Variants in ZNF507 observed in about 807,000 individuals in gnomAD.
ZNF507 encodes zinc finger protein 507.
In ZNF507, 29 loss-of-function variants were observed where a neutral mutation model predicts 80.0. The ratio of observed to expected loss-of-function variants is 0.36; its 90% confidence interval spans 0.27 to 0.49. The LOEUF is 0.49. Among genes scored for constraint, ZNF507 ranks in the 20% least tolerant of loss-of-function variants. The pLI is 0.98. For synonymous variants in ZNF507, 462 were observed against 422.5 expected, an observed-to-expected ratio of 1.09 and a Z score of -1.15; for missense variants, 1,081 against 1,152.2, an observed-to-expected ratio of 0.94 and a Z score of 0.90.
In ZNF507 at chr19:32,349,869, T is replaced by C. The variant is rs185852359; in HGVS notation, c.-3+2531T>C. Among the ~76,000 whole-genome samples the C allele has an allele frequency of 3.9e-5, 6 of 152,340 alleles. No individual in the cohort carries two copies. In the East Asian group the frequency reaches 1.2e-3, roughly 29 times the overall value. On this transcript the variant is annotated intron_variant, in intron 2 of 6. Coordinates refer to ENST00000355898, the MANE Select transcript of ZNF507 (RefSeq NM_001136156.2). Reference sequence around the variant, plus strand: ...CATGCAACTTCAATTACAGAATTAGTCATTCTTTCTTTATTCTCATCCTAT... The same window carrying C: ...CATGCAACTTCAATTACAGAATTAGCCATTCTTTCTTTATTCTCATCCTAT...
intron 6 of ZNF507, 45 bp from the exon 7 acceptor site, chr19:32,382,672 C>T (rs1175781785): frequency 6.2e-7 from 1 of 1,610,450 alleles, no homozygotes; most frequent in Middle Eastern, 1.7e-4. Flanking sequence ...ACTAGTCCTA[C>T]ATTGTAGCCT....
chr19:32,351,418 G>GGTGTGTGTGTGT (rs1568301845), intron 2 of ZNF507, among the ~76,000 whole-genome samples: 2 of 48,856 alleles, frequency 4.1e-5, no homozygotes, highest in African/African-American at 1.5e-4. Flanking sequence ...AAGCTGGTCA[G>GGTGTGTGTGTGT]CTGTGTGTGT....
At chr19:32,351,886 TAGAA>T (rs1250373103) in intron 2 of ZNF507, among the ~76,000 whole-genome samples, 3 of 152,130 alleles carry the variant, frequency 2.0e-5, no homozygotes, top group East Asian at 1.9e-4. Flanking sequence ...TGCCAGGAAA[TAGAA>T]AGAGTATTCT....
In ZNF507 at chr19:32,354,924, G is replaced by A; in HGVS notation, c.2094G>A (p.Gln698=). ...ACCACTGTAAGACAAGAATATACCA[G>A]TGCAAGCAGTGTGAAGAATCCTTCC... is the stretch of plus-strand genomic sequence containing the variant. ...MIHHCKTRIY[Q]CKQCEESFHY... Residue 698 remains glutamine (Q), a synonymous_variant, in exon 3 of 7, where the codon CAG becomes CAA. Transcript: ENST00000355898. 1 of 1,611,818 alleles carries A rather than the reference G, an allele frequency of 6.2e-7. No homozygotes were observed. Among genetic ancestry groups the A allele is most frequent in the Non-Finnish European group, 8.5e-7 (1 of 1,178,806 alleles).
Position 32,370,890 on chromosome 19 carries a change from A to G in ZNF507, c.2360+10272A>G, listed in dbSNP as rs147111417. Among the ~76,000 whole-genome samples the G allele has an allele frequency of 1.8e-4, 27 of 152,108 alleles. No individual in the cohort carries two copies. The East Asian group carries it at 5.2e-3, about 29-fold the overall frequency. On this transcript the variant is annotated intron_variant, in intron 5 of 6. Coordinates refer to ENST00000355898, the MANE Select transcript of ZNF507 (RefSeq NM_001136156.2). ...CCATTCAGCTATTTTACCCATTTTG[A>G]GTTGATTGCTGTGGATGATGTAAGA...
chr19:32,374,873 G>C (rs957031985), intron 5 of ZNF507, among the ~76,000 whole-genome samples: 2 of 152,130 alleles, frequency 1.3e-5, no homozygotes, highest in Non-Finnish European at 2.9e-5. Context: ...TCCTTGTTCT[G>C]TTCTTGAACT....
chr19:32,352,694 G>A, intron 2 of ZNF507, 135 bp from the exon 3 acceptor site: 1 of 703,540 alleles, frequency 1.4e-6, no homozygotes, highest in Non-Finnish European at 2.2e-6. Context: ...CGCCGGGTGT[G>A]TGGACATGGA....
rs1568303335 is a variant in ZNF507 at position 32,354,296 on chromosome 19, C to T, written c.1466C>T (p.Ser489Phe). Residue 489 changes from serine to phenylalanine, a missense_variant, in exon 3 of 7, where the codon TCT becomes TTT. By Grantham distance (155) the Ser-to-Phe change is radical. Around this residue, in one of 6 missense-constraint regions of ZNF507, gnomAD observed 614 missense variants for 583.9 expected, o/e 1.05. Coordinates refer to ENST00000355898, the MANE Select transcript of ZNF507 (RefSeq NM_001136156.2). ...PPGRRRTNSE[S>F]LRLHSLAAEA... Reference sequence around the variant, plus strand: ...GGCCGGAGAAGGACAAATTCTGAGTCTCTTCGATTACACTCATTAGCTGCA... The same window carrying T: ...GGCCGGAGAAGGACAAATTCTGAGTTTCTTCGATTACACTCATTAGCTGCA... The T allele has an allele frequency of 6.2e-7, 1 of 1,614,148 alleles. No homozygotes were observed. The highest frequency in any genetic ancestry group is 2.2e-5 in the East Asian group (1 of 44,878).
At chr19:32,378,185 T>G (rs1286385859) in intron 5 of ZNF507, among the ~76,000 whole-genome samples, 1 of 152,056 alleles carries the variant, frequency 6.6e-6, no homozygotes, top group Non-Finnish European at 1.5e-5. Context: ...AAACCCCATC[T>G]CTACTAAAAA....
At chr19:32,376,963 C>T (rs890640813) in intron 5 of ZNF507, among the ~76,000 whole-genome samples, 2 of 152,146 alleles carry the variant, frequency 1.3e-5, no homozygotes, top group Admixed American at 6.6e-5. Context: ...ATATCAGAGA[C>T]TTTTAGTACT....
In ZNF507 at chr19:32,386,492, G is replaced by T. The variant is rs1967692055; in HGVS notation, c.*3409G>T. On this transcript the variant is annotated 3_prime_UTR_variant, in exon 7 of 7. Coordinates refer to ENST00000355898, the MANE Select transcript of ZNF507 (RefSeq NM_001136156.2). ...AACATGAATACATGTATTTTTTTAA[G>T]AAATAAGTATTGTGTAACACTATGG... 1.3e-5 allele frequency: 2 copies of T among 152,454 alleles called. No homozygotes were observed. Among genetic ancestry groups the T allele is most frequent in the South Asian group, 2.1e-4 (1 of 4,818 alleles). The allele number at this position is 152,454 out of a possible 1,614,324, so 9.4% of individuals were successfully genotyped here.
intron 5 of ZNF507, among the ~76,000 whole-genome samples, chr19:32,379,680 CAATT>C (rs1232872793): frequency 1.3e-5 from 2 of 152,086 alleles, no homozygotes; most frequent in East Asian, 1.9e-4. Context: ...GGTGTTTTAA[CAATT>C]TATTTAAATT....
At chr19:32,379,271 C>G (rs1170544050) in intron 5 of ZNF507, among the ~76,000 whole-genome samples, 1 of 152,092 alleles carries the variant, frequency 6.6e-6, no homozygotes, top group Non-Finnish European at 1.5e-5. Context: ...ATTGCTGCAT[C>G]TCAGATATAA....
Position 32,364,581 on chromosome 19 carries a change from C to T in ZNF507, c.2360+3963C>T, listed in dbSNP as rs369388844. Among the ~76,000 whole-genome samples, 10 of 152,130 alleles carry T rather than the reference C, an allele frequency of 6.6e-5. No homozygotes were observed. In the East Asian group the frequency reaches 7.7e-4, roughly 12 times the overall value. On this transcript the variant is annotated intron_variant, in intron 5 of 6. Transcript: ENST00000355898. ...GCTCCCACGTATCAGTGAGAACATA[C>T]GATGTTTGGTTTTCCATTCCTGAGT...
At chr19:32,374,668 G>A (rs1393675520) in intron 5 of ZNF507, among the ~76,000 whole-genome samples, 1 of 151,938 alleles carries the variant, frequency 6.6e-6, no homozygotes, top group African/African-American at 2.4e-5. Context: ...TTTTGGTAGA[G>A]ACAGGGTTTT....
At chr19:32,362,666 T>C (rs1967344676) in intron 5 of ZNF507, among the ~76,000 whole-genome samples, 2 of 152,212 alleles carry the variant, frequency 1.3e-5, no homozygotes, top group South Asian at 4.1e-4. Flanking sequence ...CTCAGGGATG[T>C]TTTCTTGTGT....
rs1444070787 is a variant in ZNF507 at position 32,347,277 on chromosome 19, TTAA to T, written c.-62_-60del. On this transcript the variant is annotated 5_prime_UTR_variant, in exon 2 of 7. Coordinates refer to ENST00000355898, the MANE Select transcript of ZNF507 (RefSeq NM_001136156.2). ...TTGAAGATTGATCCAAGGGACTGTA[TTAA>T]TTTCAGGAATTGATTTGAAAGACAC... 6.5e-6 allele frequency: 1 copy of T among 152,742 alleles called. No individual in the cohort carries two copies. The highest frequency in any genetic ancestry group is 1.5e-5 in the Non-Finnish European group (1 of 68,072). 9.5% of individuals were successfully genotyped at this position (152,742 alleles called of 1,614,324 possible).
chr19:32,368,370 G>C (rs1211802856), intron 5 of ZNF507, among the ~76,000 whole-genome samples: 3 of 152,220 alleles, frequency 2.0e-5, no homozygotes, highest in Admixed American at 1.3e-4. Context: ...TGTGCTGGCT[G>C]TTGGTTGGGC....
chr19:32,353,169 C>A lies in ZNF507; in HGVS notation c.339C>A (p.Asp113Glu). ...AEMSQTNFTP[D>E]TLAQNEGKAM... Reference sequence around the variant, plus strand: ...TGTCACAAACAAATTTTACCCCTGACACTCTTGCCCAGAATGAAGGGAAGG... The same window carrying A: ...TGTCACAAACAAATTTTACCCCTGAAACTCTTGCCCAGAATGAAGGGAAGG... Residue 113 changes from aspartate to glutamate, a missense_variant, in exon 3 of 7, where the codon GAC (aspartate) becomes GAA (glutamate). Asp to Glu is a conservative substitution (Grantham distance 45, BLOSUM62 2). This residue lies in a region of ZNF507 where 275 missense variants were observed against 303.9 expected (regional missense o/e 0.90). Coordinates refer to ENST00000355898, the MANE Select transcript of ZNF507 (RefSeq NM_001136156.2). The A allele has an allele frequency of 6.2e-7, 1 of 1,614,232 alleles. No homozygotes were observed. Among genetic ancestry groups the A allele is most frequent in the Non-Finnish European group, 8.5e-7 (1 of 1,180,038 alleles).
Sources: allele counts gnomAD v4.1 joint callset (sites outside exome capture counted in the v4.1 genomes callset), GRCh38; gene constraint gnomAD v4.1.1; regional missense constraint gnomAD v4.1.1; transcripts MANE v1.5; gene names NCBI Gene and HGNC (gene_info 2026-07-23, HGNC 2026-07-21).